The following MAGI1 variants were observed in gnomAD, a reference collection of about 807,000 sequenced individuals.
The protein encoded by MAGI1 is membrane associated guanylate kinase, WW and PDZ domain containing 1.
A neutral mutation model predicts 139.9 loss-of-function variants in MAGI1; 58 were observed. The ratio of observed to expected loss-of-function variants is 0.41; its 90% confidence interval spans 0.34 to 0.52. MAGI1 has a LOEUF of 0.52. Among genes scored for constraint, MAGI1 ranks in the 20% least tolerant of loss-of-function variants. MAGI1 has a pLI of 0.12. For synonymous variants in MAGI1, 812 were observed against 737.9 expected (o/e 1.10, Z -1.63); for missense variants, 1,874 against 1,901.6 (o/e 0.99, Z 0.27).
At chr3:65,812,218 T>A (rs1649389599) in intron 1 of MAGI1, among the ~76,000 whole-genome samples, 1 of 152,092 alleles carries the variant, frequency 6.6e-6, no homozygotes, top group Non-Finnish European at 1.5e-5. Flanking sequence ...CCAACCTGAC[T>A]AATCTTATCA....
intron 2 of MAGI1, among the ~76,000 whole-genome samples, chr3:65,610,932 G>A (rs1463780029): frequency 7.3e-6 from 1 of 136,476 alleles, no homozygotes; most frequent in East Asian, 2.1e-4. Context: ...ATAGTAGATA[G>A]TATATATAGT....
At chr3:65,505,938 A>T (rs1381491834) in intron 2 of MAGI1, among the ~76,000 whole-genome samples, 1 of 152,184 alleles carries the variant, frequency 6.6e-6, no homozygotes, top group Non-Finnish European at 1.5e-5. Context: ...CATTTCCATA[A>T]ATAATAATAA....
At chr3:65,608,059 C>A (rs1242562968) in intron 2 of MAGI1, among the ~76,000 whole-genome samples, 6 of 152,200 alleles carry the variant, frequency 3.9e-5, no homozygotes, top group Non-Finnish European at 8.8e-5. Flanking sequence ...GTTAGACAAC[C>A]AGTGCAAGCA....
intron 2 of MAGI1, among the ~76,000 whole-genome samples, chr3:65,519,308 G>A (rs1412839057): frequency 6.6e-6 from 1 of 150,390 alleles, no homozygotes; most frequent in African/African-American, 2.5e-5. Flanking sequence ...CCACTGGAAA[G>A]TTTTCATCAC....
rs562850882 is a variant in MAGI1, at chr3:65,386,668, G to A, written c.2417-3045C>T. On this transcript the variant is annotated intron_variant, in intron 14 of 22. Transcript: ENST00000402939. ...TTTTATTAGAATTAAGTTTTTAGGC[G>A]GCAGTAAGGTAGAACCATTTTCCCA... Among the ~76,000 whole-genome samples, 18 of 152,186 alleles carry A rather than the reference G, an allele frequency of 1.2e-4. 1 individual carries two copies. The highest frequency in any genetic ancestry group is 3.4e-3 in the Middle Eastern group (1 of 294).
At chr3:65,733,157 C>T (rs1440401505) in intron 1 of MAGI1, among the ~76,000 whole-genome samples, 3 of 152,122 alleles carry the variant, frequency 2.0e-5, no homozygotes, top group African/African-American at 7.2e-5. Flanking sequence ...CTCCTGGGTT[C>T]AAGCAATTCT....
intron 5 of MAGI1, among the ~76,000 whole-genome samples, chr3:65,467,333 C>G (rs1949843): frequency 0.16 from 24,249 of 152,106 alleles, 2,342 homozygotes; most frequent in Non-Finnish European, 0.21. Flanking sequence ...CAAGGTAGAT[C>G]TGGTTCTAAT....
At chr3:65,609,908 A>G (rs1177051554) in intron 2 of MAGI1, 1 of 177,924 alleles carries the variant, frequency 5.6e-6, no homozygotes, top group African/African-American at 2.4e-5. Context: ...TCTCTGTTAG[A>G]ACCCGCATAT....
Position 65,429,874 on chromosome 3 carries a change from T to C in MAGI1, c.1813A>G (p.Met605Val). Residue 605 changes from methionine to valine, a missense_variant, in exon 12 of 23, where the codon ATG (methionine) becomes GTG (valine). Met to Val is a conservative substitution (Grantham distance 21). This residue lies in a region of MAGI1 where 482 missense variants were observed against 509.6 expected (regional missense o/e 0.95). Coordinates refer to ENST00000402939, the MANE Select transcript of MAGI1 (RefSeq NM_001033057.2). ...HSSKTGKVNGMKDARPSSPAD... is the reference protein window; with the variant it reads ...HSSKTGKVNGVKDARPSSPAD... The stretch of plus-strand genomic sequence containing the variant: ...GGGCTGCTTGGCCTGGCATCCTTCA[T>C]GCCATTGACTTTGCCTGTTTTACTA... 6.2e-7 allele frequency: 1 copy of C among 1,614,048 alleles called. No individual in the cohort carries two copies.
At chr3:66,023,856 T>C (rs893631723) in intron 1 of MAGI1, among the ~76,000 whole-genome samples, 3 of 152,202 alleles carry the variant, frequency 2.0e-5, no homozygotes, top group Non-Finnish European at 4.4e-5. Flanking sequence ...AATTTCAAGA[T>C]GTGACTTTGC....
chr3:65,553,462 ACAT>A (rs1332372760), intron 2 of MAGI1, among the ~76,000 whole-genome samples: 1 of 152,198 alleles, frequency 6.6e-6, no homozygotes, highest in African/African-American at 2.4e-5. Context: ...TTCAGTCAAC[ACAT>A]TTTTTAAAGC....
chr3:65,599,441 C>G (rs2082379774), intron 2 of MAGI1, among the ~76,000 whole-genome samples: 1 of 152,150 alleles, frequency 6.6e-6, no homozygotes, highest in Admixed American at 6.5e-5. Flanking sequence ...ATGTCTAAGG[C>G]CCCTTTTCCT....
intron 1 of MAGI1, among the ~76,000 whole-genome samples, chr3:65,698,567 C>T (rs1350358062): frequency 5.3e-5 from 8 of 152,054 alleles, no homozygotes; most frequent in South Asian, 2.1e-4. Flanking sequence ...TCAGAAATAA[C>T]GCTGCATATC....
chr3:65,945,585 C>T (rs541526157), intron 1 of MAGI1, among the ~76,000 whole-genome samples: 2 of 152,268 alleles, frequency 1.3e-5, no homozygotes, highest in South Asian at 2.1e-4. Flanking sequence ...TTGGCCAATC[C>T]CAGTAGCCAT....
intron 1 of MAGI1, among the ~76,000 whole-genome samples, chr3:65,867,904 C>G (rs545861320): frequency 6.6e-6 from 1 of 152,100 alleles, no homozygotes; most frequent in Non-Finnish European, 1.5e-5. Context: ...TCTGAGGAGG[C>G]GTCAGGTCTG....
chr3:65,741,745 T>C (rs377654773), intron 1 of MAGI1, among the ~76,000 whole-genome samples: 1 of 152,152 alleles, frequency 6.6e-6, no homozygotes, highest in South Asian at 2.1e-4. Context: ...CAACATGTCA[T>C]AGACATCAAA....
chr3:65,444,269 C>T (rs1324780819), intron 7 of MAGI1, among the ~76,000 whole-genome samples: 1 of 151,984 alleles, frequency 6.6e-6, no homozygotes, highest in African/African-American at 2.4e-5. Context: ...GTCTTGCGGA[C>T]CGATGCAAAT....
At chr3:65,920,283 C>T (rs2062113048) in intron 1 of MAGI1, among the ~76,000 whole-genome samples, 1 of 152,174 alleles carries the variant, frequency 6.6e-6, no homozygotes, top group Non-Finnish European at 1.5e-5. Context: ...CCCTCAATTT[C>T]TCAAAGACCC....
At chr3:65,959,807 T>TTA (rs2064332219) in intron 1 of MAGI1, among the ~76,000 whole-genome samples, 1 of 118,304 alleles carries the variant, frequency 8.5e-6, no homozygotes, top group African/African-American at 3.1e-5. Context: ...TCTTTTTTTT[T>TTA]TTTTTTTTTT....
Sources: gnomAD v4.1 joint callset for allele counts (sites outside exome capture counted in the v4.1 genomes callset) on GRCh38, gnomAD v4.1.1 for gene constraint, gnomAD v4.1.1 regional missense constraint, MANE v1.5 for transcripts, NCBI Gene and HGNC (gene_info 2026-07-23, HGNC 2026-07-21) for gene names.